MYO7A: variants seen among roughly 807,000 people sequenced by gnomAD.
MYO7A encodes myosin VIIA.
MYO7A carries 210 observed loss-of-function variants against 263.8 expected under a neutral mutation model. That is an observed-to-expected ratio of 0.80 (90% CI 0.71 to 0.89). The LOEUF (loss-of-function observed/expected upper bound fraction) is 0.89. Among genes scored for constraint, MYO7A ranks in the 40% least tolerant of loss-of-function variants. MYO7A has a pLI of 0.00. For missense variants in MYO7A, 2,820 were observed against 2,968.3 expected, an observed-to-expected ratio of 0.95 and a Z score of 1.16; for synonymous variants, 1,239 against 1,197.3, an observed-to-expected ratio of 1.03 and a Z score of -0.72.
At chr11:77,214,571 C>T in intron 48 of MYO7A, 36 bp from the exon 49 acceptor site, 6 of 1,463,244 alleles carry the variant, frequency 4.1e-6, no homozygotes, top group Non-Finnish European at 5.6e-6. Context: ...CCCTGTCCCA[C>T]CGTGTGCTCG....
At chr11:77,180,559 C>A in intron 22 of MYO7A, 78 bp downstream of exon 22, 1 of 1,257,776 alleles carries the variant, frequency 8.0e-7, no homozygotes, top group East Asian at 2.5e-5. Flanking sequence ...TCTCATCTGT[C>A]ACCCGGTGCT....
At chr11:77,176,710 G>A (rs868914920) in intron 18 of MYO7A, among the ~76,000 whole-genome samples, 4 of 152,096 alleles carry the variant, frequency 2.6e-5, no homozygotes, top group South Asian at 4.1e-4. Flanking sequence ...AGAATGCCTC[G>A]GCTGAGCATC....
chr11:77,195,826 A>G (rs10466707), intron 32 of MYO7A, among the ~76,000 whole-genome samples: 88,388 of 152,134 alleles, frequency 0.58, 26,171 homozygotes, highest in African/African-American at 0.68. Flanking sequence ...CAGACTAGGT[A>G]GTTTCAACAA....
chr11:77,204,299 G>C, intron 39 of MYO7A, 70 bp downstream of exon 39: 1 of 1,527,474 alleles, frequency 6.5e-7, no homozygotes, highest in Non-Finnish European at 8.9e-7. Flanking sequence ...TTACCCTCCT[G>C]AGGCAGCTGC....
At chr11:77,153,990 C>G (rs1952211103) in intron 4 of MYO7A, among the ~76,000 whole-genome samples, 1 of 152,170 alleles carries the variant, frequency 6.6e-6, no homozygotes, top group Admixed American at 6.5e-5. Context: ...TGGCACATGC[C>G]TAGAACCCCA....
rs559209306 is a variant in MYO7A at position 77,162,144 on chromosome 11, C to T, written c.1368C>T (p.Phe456=). The change falls in exon 13 of 49, where the codon TTC becomes TTT. Residue 456 remains phenylalanine (F), a synonymous_variant. Transcript: ENST00000409709. ...GCTTTGAGCAGCTCTGCATCAACTT[C>T]GCCAATGAGCACCTGCAGCAGTTCT... ...VNSFEQLCIN[F]ANEHLQQFFV... The T allele has an allele frequency of 9.8e-5, 157 of 1,602,870 alleles. No individual in the cohort carries two copies. The South Asian group carries it at 1.2e-3, about 13-fold the overall frequency.
At position 77,190,059 on chromosome 11, in the gene MYO7A, G is replaced by GC; in HGVS notation, c.3674dup (p.Tyr1226ValfsTer3). 6.4e-7 allele frequency: 1 copy of GC among 1,572,782 alleles called. No homozygotes were observed. The highest frequency in any genetic ancestry group is 8.6e-7 in the Non-Finnish European group (1 of 1,159,832). ...CATCCACGGGGGCCCGCCCGGCTAC[G>GC]CCCCGTACTGTGAGGAGCGCCTGAG... On this transcript the variant is annotated frameshift_variant, in exon 29 of 49. Transcript: ENST00000409709. LOFTEE classifies it high-confidence loss of function.
Position 77,194,359 on chromosome 11 carries a change from C to T in MYO7A, c.4158C>T (p.Asp1386=), listed in dbSNP as rs371789688. ...KFGEYRCEKE[D]DLAELASQQY... ...CGAGGCCTCCCCCCACCTAGGAGGA[C>T]GACCTGGCTGAGCTGGCCTCCCAGC... Residue 1386 remains aspartate, a synonymous_variant, in exon 32 of 49, where the codon GAC becomes GAT. Transcript: ENST00000409709. The T allele has an allele frequency of 3.8e-5, 62 of 1,611,360 alleles. No homozygotes were observed. The highest frequency in any genetic ancestry group is 1.0e-4 in the South Asian group (9 of 90,362).
At chr11:77,189,614 A>C (rs1187225011) in intron 28 of MYO7A, 144 bp downstream of exon 28, 4 of 1,246,974 alleles carry the variant, frequency 3.2e-6, no homozygotes, top group South Asian at 1.5e-5. Flanking sequence ...TCTTCCTGGC[A>C]CCCCCTCCTC....
At chr11:77,166,860 T>G (rs911610668) in intron 15 of MYO7A, among the ~76,000 whole-genome samples, 7 of 152,150 alleles carry the variant, frequency 4.6e-5, no homozygotes, top group Admixed American at 2.0e-4. Flanking sequence ...ATGGTGGATT[T>G]TGAGTGGTTT....
chr11:77,172,660 C>T, intron 15 of MYO7A, 88 bp from the exon 16 acceptor site: 5 of 1,511,788 alleles, frequency 3.3e-6, no homozygotes, highest in South Asian at 1.2e-5. Context: ...ACCCCGCTGA[C>T]CTCCCCTCCC....
At chr11:77,211,053 A>G (rs1048625401) in intron 44 of MYO7A, 99 bp from the exon 45 acceptor site, 2 of 1,131,508 alleles carry the variant, frequency 1.8e-6, no homozygotes, top group Non-Finnish European at 2.5e-6. Context: ...TGTGCGGGGT[A>G]AGGTGGTAGA....
rs375549272 is a variant in MYO7A, at chr11:77,214,488, G to A, written c.6559-119G>A. 115 of 746,192 alleles carry A rather than the reference G, an allele frequency of 1.5e-4. 1 individual carries two copies. Among genetic ancestry groups the A allele is most frequent in the East Asian group, 1.3e-3 (50 of 37,214 alleles). The allele number at this position is 746,192 out of a possible 1,614,324, so 46.2% of individuals were successfully genotyped here. ...CAGATGGGAGATAAGCCCTGAGTAGGAGGGATTTGCCTTTGTCCTGGGTTC... is the reference window on the plus strand; with the variant it reads ...CAGATGGGAGATAAGCCCTGAGTAGAAGGGATTTGCCTTTGTCCTGGGTTC... On this transcript the variant is annotated intron_variant, in intron 48 of 48. Transcript: ENST00000409709.
intron 31 of MYO7A, among the ~76,000 whole-genome samples, chr11:77,193,055 A>T (rs72477737): frequency 1.2e-4 from 8 of 64,242 alleles, no homozygotes; most frequent in East Asian, 1.5e-3. Context: ...GGAGGTGGTG[A>T]TGGTGTTGGT....
At chr11:77,196,596 A>G (rs1013674465) in intron 32 of MYO7A, among the ~76,000 whole-genome samples, 3 of 152,202 alleles carry the variant, frequency 2.0e-5, no homozygotes, top group Non-Finnish European at 4.4e-5. Context: ...TCACTGGGTG[A>G]TAGCCACACT....
intron 17 of MYO7A, 57 bp from the exon 18 acceptor site, chr11:77,175,315 G>A: frequency 1.3e-6 from 2 of 1,525,996 alleles, no homozygotes; most frequent in Non-Finnish European, 1.8e-6. Flanking sequence ...GGACACTCCG[G>A]AGGCCTTCCC....
intron 33 of MYO7A, among the ~76,000 whole-genome samples, chr11:77,197,912 C>T (rs913584646): frequency 1.3e-5 from 2 of 150,840 alleles, no homozygotes; most frequent in South Asian, 2.1e-4. Context: ...CACCCGGTAG[C>T]GACTCCATGG....
At chr11:77,184,546 C>T in intron 26 of MYO7A, 42 bp from the exon 27 acceptor site, 2 of 1,517,232 alleles carry the variant, frequency 1.3e-6, no homozygotes, top group Non-Finnish European at 1.8e-6. Flanking sequence ...GGCAGGGGAA[C>T]ACCCCTAACT....
In MYO7A at chr11:77,192,104, C is replaced by A. The variant is rs111033376; in HGVS notation, c.3978C>A (p.Cys1326Ter). The A allele has an allele frequency of 1.2e-6, 2 of 1,613,900 alleles. No individual in the cohort carries two copies. The highest frequency in any genetic ancestry group is 1.1e-5 in the South Asian group (1 of 91,086). Residue 1326 changes from cysteine to a stop codon, truncating the protein, a stop_gained, in exon 31 of 49, where the codon TGC becomes TGA. Coordinates refer to ENST00000409709, the MANE Select transcript of MYO7A (RefSeq NM_000260.4). LOFTEE classifies it high-confidence loss of function. ...SDHVMDAISQ[C>*]EQYAKEQGAQ... ...ACGTCATGGACGCCATCTCCCAGTGCGAGCAGTACGCCAAGGAGCAGGGCG... is the reference window on the plus strand; with the variant it reads ...ACGTCATGGACGCCATCTCCCAGTGAGAGCAGTACGCCAAGGAGCAGGGCG...
Sources: allele counts gnomAD v4.1 joint callset (sites outside exome capture counted in the v4.1 genomes callset), GRCh38; gene constraint gnomAD v4.1.1; transcripts MANE v1.5; gene names NCBI Gene and HGNC (gene_info 2026-07-23, HGNC 2026-07-21).